Variants in HSPA4 observed in about 807,000 individuals in gnomAD.
HSPA4 encodes the protein heat shock protein family A (Hsp70) member 4.
A neutral mutation model predicts 106.2 loss-of-function variants in HSPA4; 25 were observed. The observed-to-expected ratio is 0.24, with a 90% confidence interval of 0.17 to 0.33. HSPA4 has a LOEUF of 0.33. HSPA4 is among the 10% of genes least tolerant of loss of function. The pLI is 1.00. For missense variants in HSPA4, 841 were observed against 996.0 expected (o/e 0.84, Z 2.10); for synonymous variants, 332 against 333.6 (o/e 1.00, Z 0.05).
At chr5:133,082,238 G>A (rs991098167) in intron 7 of HSPA4, among the ~76,000 whole-genome samples, 1 of 152,182 alleles carries the variant, frequency 6.6e-6, no homozygotes, top group Non-Finnish European at 1.5e-5. Flanking sequence ...GAGACAGAAA[G>A]TAGATTTAGT....
At chr5:133,079,924 A>T (rs946185492) in intron 7 of HSPA4, among the ~76,000 whole-genome samples, 2 of 152,192 alleles carry the variant, frequency 1.3e-5, no homozygotes, top group African/African-American at 4.8e-5. Context: ...ACAGTTTGCC[A>T]TGTTTATACT....
In HSPA4 at chr5:133,086,814, T is replaced by C. The variant is rs775299194; in HGVS notation, c.941T>C (p.Leu314Ser). The C allele has an allele frequency of 1.5e-5, 25 of 1,613,772 alleles. No homozygotes were observed. Among genetic ancestry groups the C allele is most frequent in the Non-Finnish European group, 2.0e-5 (24 of 1,179,848 alleles). The change falls in exon 8 of 19, where the codon TTA (leucine) becomes TCA (serine). Residue 314 changes from leucine to serine, a missense_variant. This residue lies in a region of HSPA4 where 347 missense variants were observed against 408.7 expected (regional missense o/e 0.85). Coordinates refer to ENST00000304858, the MANE Select transcript of HSPA4 (RefSeq NM_002154.4). ...TTTCTGGAGATGTGCAATGATCTCT[T>C]AGCTAGAGTGGAGCCACCACTTCGT... ...GKFLEMCNDLLARVEPPLRSV... is the reference protein window; with the variant it reads ...GKFLEMCNDLSARVEPPLRSV...
intron 1 of HSPA4, among the ~76,000 whole-genome samples, chr5:133,064,226 C>T (rs1397398401): frequency 6.6e-6 from 1 of 152,166 alleles, no homozygotes; most frequent in Non-Finnish European, 1.5e-5. Flanking sequence ...TGAGTCCTGG[C>T]CAGGTGCGGT....
chr5:133,083,204 C>T (rs1261500115), intron 7 of HSPA4, among the ~76,000 whole-genome samples: 4 of 150,928 alleles, frequency 2.7e-5, no homozygotes, highest in African/African-American at 4.9e-5. Flanking sequence ...CCCAGCTACT[C>T]CGGAGGCTGA....
At chr5:133,090,262 T>C (rs1270068275) in intron 11 of HSPA4, among the ~76,000 whole-genome samples, 4 of 151,070 alleles carry the variant, frequency 2.6e-5, no homozygotes, top group African/African-American at 9.7e-5. Flanking sequence ...CCGTCTCTAC[T>C]AAAAAAATAC....
chr5:133,083,971 G>GT (rs1396554829), intron 7 of HSPA4, among the ~76,000 whole-genome samples: 5 of 152,114 alleles, frequency 3.3e-5, no homozygotes, highest in Non-Finnish European at 7.4e-5. Context: ...AGAATTCATT[G>GT]TTTTTTGGAT....
At chr5:133,073,915 A>ATG in intron 5 of HSPA4, 78 bp from the exon 6 acceptor site, 1 of 1,025,280 alleles carries the variant, frequency 9.8e-7, no homozygotes, top group Non-Finnish European at 1.4e-6. Flanking sequence ...CGTTATATAT[A>ATG]AAACCTCTTT....
chr5:133,097,215 G>A lies in HSPA4; in HGVS notation c.1858G>A (p.Ala620Thr), dbSNP rs143003242. 1.9e-5 allele frequency: 30 copies of A among 1,610,788 alleles called. No homozygotes were observed. In the African/African-American group the frequency reaches 3.1e-4, roughly 16 times the overall value. The change falls in exon 15 of 19, where the codon GCA becomes ACA. Residue 620 changes from alanine (A) to threonine (T), a missense_variant. Ala to Thr is a moderately conservative substitution (Grantham distance 58, BLOSUM62 0). This residue lies in a region of HSPA4 where 328 missense variants were observed against 372.2 expected (regional missense o/e 0.88). Coordinates refer to ENST00000304858, the MANE Select transcript of HSPA4 (RefSeq NM_002154.4). Reference protein sequence around the residue: ...LEKERNDAKNAVEEYVYEMRD... With the variant: ...LEKERNDAKNTVEEYVYEMRD... The stretch of plus-strand genomic sequence containing the variant: ...GAAGGAGCGGAATGATGCTAAGAAC[G>A]CAGTGGAGGAATATGTGTATGAAAT...
intron 14 of HSPA4, 128 bp downstream of exon 14, chr5:133,096,378 G>A (rs1367102773): frequency 2.5e-6 from 2 of 805,780 alleles, no homozygotes; most frequent in Non-Finnish European, 3.8e-6. Flanking sequence ...TTAGACTTTT[G>A]TGTGGTATTG....
intron 6 of HSPA4, among the ~76,000 whole-genome samples, chr5:133,075,867 A>G (rs1284741493): frequency 6.6e-6 from 1 of 152,106 alleles, no homozygotes; most frequent in African/African-American, 2.4e-5. Flanking sequence ...GTTACTTACA[A>G]TCTTACCATT....
At chr5:133,074,356 G>A (rs373530002) in intron 6 of HSPA4, among the ~76,000 whole-genome samples, 4 of 150,564 alleles carry the variant, frequency 2.7e-5, no homozygotes, top group Admixed American at 6.7e-5. Context: ...TTGGCTCACC[G>A]CAACCTCCAC....
chr5:133,098,540 G>T (rs955082474), intron 15 of HSPA4, among the ~76,000 whole-genome samples: 1 of 151,656 alleles, frequency 6.6e-6, no homozygotes, highest in African/African-American at 2.4e-5. Flanking sequence ...AGCCAGGATG[G>T]TCTCGATCTC....
intron 4 of HSPA4, among the ~76,000 whole-genome samples, chr5:133,072,176 G>T (rs907591874): frequency 6.6e-6 from 1 of 152,134 alleles, no homozygotes; most frequent in Non-Finnish European, 1.5e-5. Flanking sequence ...GAGGGTTCAC[G>T]GGCCCTAGCG....
intron 14 of HSPA4, 108 bp from the exon 15 acceptor site, chr5:133,097,053 A>G: frequency 1.2e-6 from 1 of 825,144 alleles, no homozygotes; most frequent in Non-Finnish European, 1.9e-6. Context: ...GACTTGCAGA[A>G]CTAAAAGGAT....
In HSPA4 at chr5:133,091,149, A is replaced by G. The variant is rs770354835; in HGVS notation, c.1379-44A>G. ...TAGGCATATATTCATGCTTGAATTC[A>G]TCCTCTTAGGTTATGTGTTCTTTTG... On this transcript the variant is annotated intron_variant, in intron 11 of 18. Coordinates refer to ENST00000304858, the MANE Select transcript of HSPA4 (RefSeq NM_002154.4). The G allele has an allele frequency of 2.4e-4, 356 of 1,480,438 alleles. 5 individuals carry two copies. The East Asian group carries it at 7.4e-3, about 31-fold the overall frequency. The allele number at this position is 1,480,438 out of a possible 1,614,324, so 91.7% of individuals were successfully genotyped here.
rs765638122 is a variant in HSPA4, at chr5:133,089,725, A to AG, written c.1378+30_1378+31insG. 49 of 1,308,642 alleles carry AG rather than the reference A, an allele frequency of 3.7e-5. No individual in the cohort carries two copies. The African/African-American group carries it at 6.2e-4, about 17-fold the overall frequency. The allele number at this position is 1,308,642 out of a possible 1,614,324, so 81.1% of individuals were successfully genotyped here. ...GTAAAGAGTTGGAAATTAAAAAAGA[A>AG]AAAAAAAAAAAAGCACAGTGGCTCA... On this transcript the variant is annotated intron_variant, in intron 11 of 18. Transcript: ENST00000304858.
chr5:133,079,604 G>A (rs1200953324), intron 7 of HSPA4, among the ~76,000 whole-genome samples: 1 of 152,116 alleles, frequency 6.6e-6, no homozygotes, highest in Non-Finnish European at 1.5e-5. Flanking sequence ...TTGTGAACAA[G>A]TACTTGTTTT....
chr5:133,076,785 ACTCT>A lies in HSPA4; in HGVS notation c.799_802del (p.Ser267ArgfsTer9). On this transcript the variant is annotated frameshift_variant, in exon 7 of 19. Coordinates refer to ENST00000304858, the MANE Select transcript of HSPA4 (RefSeq NM_002154.4). LOFTEE classifies it high-confidence loss of function. The stretch of plus-strand genomic sequence containing the variant: ...AGTCCAAAATCCGTGCATTATTACG[ACTCT>A]CTCAGGAGTGTGAGAAACTCAAGAA... The A allele has an allele frequency of 6.2e-7, 1 of 1,613,884 alleles. No individual in the cohort carries two copies. Among genetic ancestry groups the A allele is most frequent in the Non-Finnish European group, 8.5e-7 (1 of 1,179,892 alleles).
intron 1 of HSPA4, among the ~76,000 whole-genome samples, chr5:133,057,193 A>G (rs1765175629): frequency 6.6e-6 from 1 of 152,184 alleles, no homozygotes; most frequent in Non-Finnish European, 1.5e-5. Context: ...TGCAGTAACC[A>G]GAGAGTACTC....
Sources: gnomAD v4.1 joint callset for allele counts (sites outside exome capture counted in the v4.1 genomes callset) on GRCh38, gnomAD v4.1.1 for gene constraint, gnomAD v4.1.1 regional missense constraint, MANE v1.5 for transcripts, NCBI Gene and HGNC (gene_info 2026-07-23, HGNC 2026-07-21) for gene names.